KCNMB4: variants seen among roughly 807,000 people sequenced by gnomAD.
KCNMB4 encodes the protein calcium-activated potassium channel subunit beta-4.
A neutral mutation model predicts 20.7 loss-of-function variants in KCNMB4; 3 were observed. The ratio of observed to expected loss-of-function variants is 0.14; its 90% CI spans 0.07 to 0.37. KCNMB4 has a LOEUF of 0.37. Ranked by LOEUF, KCNMB4 falls within the 10% of genes least tolerant of loss-of-function variation. The probability of loss-of-function intolerance (pLI) is 1.00; values close to 1 mark genes in which losing one functional copy is unlikely to be tolerated. For missense variants in KCNMB4, 168 were observed against 265.9 expected (o/e 0.63, Z 2.56); for synonymous variants, 110 against 113.4 (o/e 0.97, Z 0.19).
chr12:70,367,196 G>A, intron 1 of KCNMB4, 126 bp downstream of exon 1: 7 of 690,222 alleles, frequency 1.0e-5, no homozygotes, highest in Non-Finnish European at 6.7e-6. Context: ...AGGTGGCGCA[G>A]GCTGTGCTCA....
chr12:70,368,760 C>CAT (rs1316902006), intron 1 of KCNMB4, among the ~76,000 whole-genome samples: 1 of 152,000 alleles, frequency 6.6e-6, no homozygotes, highest in Admixed American at 6.6e-5. Context: ...TCTATATATA[C>CAT]ATATATATGC....
At chr12:70,369,576 A>G (rs1430516172) in intron 1 of KCNMB4, among the ~76,000 whole-genome samples, 2 of 152,048 alleles carry the variant, frequency 1.3e-5, no homozygotes. Context: ...AACACAAGAA[A>G]CCACTTAGGA....
chr12:70,402,722 G>A (rs917634065), intron 2 of KCNMB4, among the ~76,000 whole-genome samples: 6 of 151,412 alleles, frequency 4.0e-5, no homozygotes, highest in Admixed American at 6.6e-5. Flanking sequence ...ACAGGTGGAC[G>A]GATGTCAGGG....
chr12:70,401,254 G>C (rs1222188139), intron 2 of KCNMB4, among the ~76,000 whole-genome samples: 2 of 152,094 alleles, frequency 1.3e-5, no homozygotes, highest in African/African-American at 2.4e-5. Context: ...TCTAACTCCT[G>C]ACCTCAAGTG....
chr12:70,390,052 C>G (rs756098370), intron 1 of KCNMB4, among the ~76,000 whole-genome samples: 1 of 152,144 alleles, frequency 6.6e-6, no homozygotes, highest in Non-Finnish European at 1.5e-5. Flanking sequence ...TCATTTCTTT[C>G]AAGAGAAATA....
intron 1 of KCNMB4, among the ~76,000 whole-genome samples, chr12:70,369,329 A>G (rs1296528568): frequency 2.0e-5 from 3 of 152,240 alleles, no homozygotes; most frequent in Non-Finnish European, 4.4e-5. Context: ...AATTCAATGT[A>G]ATAAAAATAT....
chr12:70,394,690 A>G (rs1436382206), intron 1 of KCNMB4, among the ~76,000 whole-genome samples: 1 of 152,150 alleles, frequency 6.6e-6, no homozygotes. Flanking sequence ...TTTTTGAGAT[A>G]GGATCTTGCT....
At chr12:70,422,947 C>A (rs1007590306) in intron 2 of KCNMB4, 34 of 627,228 alleles carry the variant, frequency 5.4e-5, no homozygotes, top group Non-Finnish European at 6.9e-5. Context: ...GAGACAATTA[C>A]TTCACTGGGC....
At chr12:70,392,920 A>T (rs1370764212) in intron 1 of KCNMB4, among the ~76,000 whole-genome samples, 1 of 152,176 alleles carries the variant, frequency 6.6e-6, no homozygotes. Context: ...ACCATGGCAC[A>T]TGTATGTCTA....
rs370032695 is a variant in KCNMB4 at position 70,385,616 on chromosome 12, A to C, written c.337-14593A>C. Among the ~76,000 whole-genome samples, 100 of 152,336 alleles carry C rather than the reference A, an allele frequency of 6.6e-4. 1 individual carries two copies. Among genetic ancestry groups the C allele is most frequent in the African/African-American group, 2.4e-3 (98 of 41,590 alleles). ...GAATTGTCTTTATTTTTGGAAAGAT[A>C]AATTCAGTTATGAATCCTCAGCAAG... On this transcript the variant is annotated intron_variant, in intron 1 of 2. Transcript: ENST00000258111.
At chr12:70,394,273 G>A (rs1366295545) in intron 1 of KCNMB4, among the ~76,000 whole-genome samples, 1 of 151,912 alleles carries the variant, frequency 6.6e-6, no homozygotes, top group African/African-American at 2.4e-5. Context: ...ACACTTTGAG[G>A]AGGGTGGATC....
Position 70,431,007 on chromosome 12 carries a change from G to A in KCNMB4, c.*354G>A, listed in dbSNP as rs534163160. On this transcript the variant is annotated 3_prime_UTR_variant, in exon 3 of 3. Transcript: ENST00000258111. ...TGCTACTTAAAAATATTAAAATAGAGTGGTCTGTGTTATTTTCTATTTCCT... is the reference window on the plus strand; with the variant it reads ...TGCTACTTAAAAATATTAAAATAGAATGGTCTGTGTTATTTTCTATTTCCT... The A allele has an allele frequency of 8.3e-4, 131 of 157,184 alleles. 1 individual carries two copies. The highest frequency in any genetic ancestry group is 1.6e-3 in the Non-Finnish European group (117 of 71,574). 9.7% of individuals were successfully genotyped at this position (157,184 alleles called of 1,614,324 possible). A position where few individuals can be genotyped will look rare whatever the true frequency, so the allele number is the denominator to read the frequency against.
chr12:70,386,320 C>G (rs77838758), intron 1 of KCNMB4, among the ~76,000 whole-genome samples: 5 of 151,868 alleles, frequency 3.3e-5, no homozygotes, highest in African/African-American at 1.2e-4. Context: ...TAAATTTTCA[C>G]AGATTGATTT....
At chr12:70,422,883 G>C (rs79173854) in intron 2 of KCNMB4, 19,976 of 1,140,822 alleles carry the variant, frequency 0.018, 766 homozygotes, top group Admixed American at 0.16. Flanking sequence ...CTATTACTCT[G>C]GGAGCACAGA....
intron 1 of KCNMB4, among the ~76,000 whole-genome samples, chr12:70,391,966 T>C (rs898335577): frequency 6.6e-6 from 1 of 152,194 alleles, no homozygotes; most frequent in East Asian, 1.9e-4. Flanking sequence ...AGAAAACATA[T>C]TCTGCTACAA....
At chr12:70,398,986 G>A (rs1868388411) in intron 1 of KCNMB4, among the ~76,000 whole-genome samples, 2 of 152,118 alleles carry the variant, frequency 1.3e-5, no homozygotes. Flanking sequence ...AGGAGATTTA[G>A]GAACAAAGGG....
chr12:70,408,218 A>G (rs1469133456), intron 2 of KCNMB4, among the ~76,000 whole-genome samples: 1 of 152,088 alleles, frequency 6.6e-6, no homozygotes, highest in African/African-American at 2.4e-5. Flanking sequence ...CTCTTTTACC[A>G]TGACATATGT....
At chr12:70,386,592 T>TTC in intron 1 of KCNMB4, among the ~76,000 whole-genome samples, 1 of 131,744 alleles carries the variant, frequency 7.6e-6, no homozygotes. Context: ...GTTTGTTTGT[T>TTC]TGTTGTTTTT....
At position 70,433,256 on chromosome 12, in the gene KCNMB4, A is replaced by G. The variant is rs1223392689; in HGVS notation, c.*2603A>G. On this transcript the variant is annotated 3_prime_UTR_variant, in exon 3 of 3. Coordinates refer to ENST00000258111, the MANE Select transcript of KCNMB4 (RefSeq NM_014505.6). ...AGAAAATGATCTAAACTGCTGTAACAAAGAGACCCCAAAATATGATGGCTC... is the reference window on the plus strand; with the variant it reads ...AGAAAATGATCTAAACTGCTGTAACGAAGAGACCCCAAAATATGATGGCTC... 2 of 152,218 alleles carry G rather than the reference A, an allele frequency of 1.3e-5. No individual in the cohort carries two copies. The highest frequency in any genetic ancestry group is 4.1e-4 in the South Asian group (2 of 4,836). 9.4% of individuals were successfully genotyped at this position (152,218 alleles called of 1,614,324 possible).
Sources: gnomAD v4.1 joint callset for allele counts (sites outside exome capture counted in the v4.1 genomes callset) on GRCh38, gnomAD v4.1.1 for gene constraint, MANE v1.5 for transcripts, NCBI Gene and HGNC (gene_info 2026-07-23, HGNC 2026-07-21) for gene names.